C10orf67: variants seen among roughly 807,000 people sequenced by gnomAD.
C10orf67 encodes uncharacterized protein C10orf67, mitochondrial.
Under a neutral mutation model 35.6 loss-of-function variants are expected in C10orf67, and 60 were observed. That is an observed-to-expected ratio of 1.68 (90% CI 1.37 to 2.09). C10orf67 has a LOEUF of 2.09. C10orf67 is among the 30% of genes most tolerant of loss of function. The pLI is 0.00. For missense variants in C10orf67, 474 were observed against 330.2 expected (o/e 1.44, Z -3.38); for synonymous variants, 167 against 115.8 (o/e 1.44, Z -2.84).
At chr10:23,259,201 C>T (rs1842682519) in intron 10 of C10orf67, among the ~76,000 whole-genome samples, 1 of 152,132 alleles carries the variant, frequency 6.6e-6, no homozygotes, top group South Asian at 2.1e-4. Flanking sequence ...TTTGGTTCAC[C>T]AATAGACTGG....
chr10:23,247,399 A>G (rs754392900), intron 12 of C10orf67, among the ~76,000 whole-genome samples: 1 of 152,196 alleles, frequency 6.6e-6, no homozygotes. Context: ...TACAGTATTC[A>G]GTTATAGTCT....
At chr10:23,235,638 A>G (rs1391822076) in intron 13 of C10orf67, among the ~76,000 whole-genome samples, 1 of 152,196 alleles carries the variant, frequency 6.6e-6, no homozygotes, top group African/African-American at 2.4e-5. Flanking sequence ...AAAAATGGCT[A>G]AAATGACAAA....
At chr10:23,296,979 T>G (rs1843899010) in intron 5 of C10orf67, among the ~76,000 whole-genome samples, 1 of 152,132 alleles carries the variant, frequency 6.6e-6, no homozygotes, top group African/African-American at 2.4e-5. Context: ...TGGTGAAGGG[T>G]TTTAAGTAAT....
intron 3 of C10orf67, 140 bp from the exon 4 acceptor site, chr10:23,320,955 C>G (rs909500160): frequency 1.6e-6 from 1 of 608,918 alleles, no homozygotes; most frequent in African/African-American, 1.9e-5. Flanking sequence ...AATCATTTCT[C>G]CCACCCTGCA....
chr10:23,237,347 T>G (rs1208525640), intron 13 of C10orf67, among the ~76,000 whole-genome samples: 1 of 152,198 alleles, frequency 6.6e-6, no homozygotes, highest in Admixed American at 6.5e-5. Context: ...AACGAACATG[T>G]GCATGCATGT....
chr10:23,306,914 T>A (rs1016556435), intron 4 of C10orf67, among the ~76,000 whole-genome samples: 15 of 152,314 alleles, frequency 9.8e-5, no homozygotes, highest in Admixed American at 1.3e-4. Flanking sequence ...TAAATCCTAA[T>A]AGTAAATTGA....
intron 1 of C10orf67, chr10:23,343,814 C>CTGGAGCAAGGGGCCTGGAAAGGCG (rs1416272557): frequency 2.7e-6 from 1 of 376,010 alleles, no homozygotes. Flanking sequence ...AGCCCAGCGG[C>CTGGAGCAAGGGGCCTGGAAAGGCG]TGGAGCAAGG....
chr10:23,322,250 A>G (rs1844984277), intron 3 of C10orf67, 144 bp downstream of exon 3: 1 of 732,796 alleles, frequency 1.4e-6, no homozygotes, highest in East Asian at 2.8e-5. Context: ...CACATAGTGA[A>G]GCTCTGTGTA....
chr10:23,265,072 G>T (rs1311975052), intron 10 of C10orf67, among the ~76,000 whole-genome samples: 1 of 152,272 alleles, frequency 6.6e-6, no homozygotes, highest in Non-Finnish European at 1.5e-5. Context: ...TCCAGTGTCA[G>T]TTTTTTCCCT....
intron 5 of C10orf67, among the ~76,000 whole-genome samples, chr10:23,302,643 C>T (rs574654370): frequency 3.9e-5 from 6 of 152,300 alleles, no homozygotes; most frequent in African/African-American, 9.6e-5. Flanking sequence ...CTGGGACATC[C>T]GGTGGCTCAG....
intron 13 of C10orf67, among the ~76,000 whole-genome samples, chr10:23,227,976 A>T (rs980517550): frequency 9.2e-5 from 14 of 152,280 alleles, no homozygotes; most frequent in Admixed American, 6.5e-4. Flanking sequence ...ATGCTCATGG[A>T]TAGGAAGAAT....
chr10:23,298,712 C>T (rs995374595), intron 5 of C10orf67, among the ~76,000 whole-genome samples: 1 of 152,108 alleles, frequency 6.6e-6, no homozygotes, highest in East Asian at 1.9e-4. Flanking sequence ...TAATTTTAGC[C>T]CTAAGTATTT....
rs146261225 is a variant in C10orf67, at chr10:23,221,386, G to A, written c.1570+2212C>T. 2.8e-4 allele frequency among the ~76,000 whole-genome samples: 42 copies of A among 152,108 alleles called. 1 individual carries two copies. The East Asian group carries it at 6.8e-3, about 25-fold the overall frequency. On this transcript the variant is annotated intron_variant, in intron 15 of 15. Transcript: ENST00000636213. ...CCAAATGGACGTGAGATTTGGGTGG[G>A]GACACAAATCCAAACCATATCAATA... is the stretch of plus-strand genomic sequence containing the variant.
intron 15 of C10orf67, among the ~76,000 whole-genome samples, chr10:23,205,994 A>G (rs1028721157): frequency 2.0e-5 from 3 of 152,234 alleles, no homozygotes; most frequent in Non-Finnish European, 4.4e-5. Context: ...AAACTGCTAT[A>G]AATTGCAATT....
chr10:23,210,709 C>T (rs977242713), intron 15 of C10orf67, among the ~76,000 whole-genome samples: 1 of 152,168 alleles, frequency 6.6e-6, no homozygotes, highest in Non-Finnish European at 1.5e-5. Flanking sequence ...AGGTGTGAGC[C>T]ACCATGCCTG....
At chr10:23,334,704 G>T (rs1019391613) in intron 1 of C10orf67, among the ~76,000 whole-genome samples, 5 of 152,142 alleles carry the variant, frequency 3.3e-5, no homozygotes, top group African/African-American at 1.2e-4. Flanking sequence ...GTCTGAAGAG[G>T]GAGACATTAG....
chr10:23,336,779 C>CTGG (rs1192412779), intron 1 of C10orf67, among the ~76,000 whole-genome samples: 18 of 152,102 alleles, frequency 1.2e-4, no homozygotes, highest in African/African-American at 4.3e-4. Flanking sequence ...TCCCAAAGTG[C>CTGG]TGGGATTACA....
intron 15 of C10orf67, among the ~76,000 whole-genome samples, chr10:23,212,402 G>A (rs1841332636): frequency 6.6e-6 from 1 of 152,190 alleles, no homozygotes; most frequent in Non-Finnish European, 1.5e-5. Flanking sequence ...TTCAGCTGCA[G>A]AAACCCATCC....
intron 13 of C10orf67, among the ~76,000 whole-genome samples, chr10:23,228,885 T>C (rs1378738632): frequency 6.6e-6 from 1 of 152,076 alleles, no homozygotes; most frequent in Non-Finnish European, 1.5e-5. Flanking sequence ...CACAATGAGA[T>C]ACCATCTCAC....
Sources: gnomAD v4.1 joint callset for allele counts (sites outside exome capture counted in the v4.1 genomes callset) on GRCh38, gnomAD v4.1.1 for gene constraint, MANE v1.5 for transcripts, NCBI Gene and HGNC (gene_info 2026-07-23, HGNC 2026-07-21) for gene names.